CFAP54: variants seen among roughly 807,000 people sequenced by gnomAD.
CFAP54 encodes cilia and flagella associated protein 54.
CFAP54 carries 290 observed loss-of-function variants against 370.4 expected under a neutral mutation model. That is an observed-to-expected ratio of 0.78 (90% CI 0.71 to 0.86). The LOEUF (loss-of-function observed/expected upper bound fraction) is 0.86, where lower values mean the gene tolerates loss of function less well. CFAP54 is among the 40% of genes least tolerant of loss of function. The pLI, the probability that CFAP54 is intolerant of heterozygous loss-of-function variation, is 0.00. For missense variants in CFAP54, 3,399 were observed against 3,528.7 expected, an observed-to-expected ratio of 0.96 and a Z score of 0.93; for synonymous variants, 1,206 against 1,236.5, an observed-to-expected ratio of 0.98 and a Z score of 0.52.
chr12:96,504,378 A>C (rs1955067169), intron 3 of CFAP54, among the ~76,000 whole-genome samples: 1 of 152,242 alleles, frequency 6.6e-6, no homozygotes, highest in African/African-American at 2.4e-5. Context: ...GAGAAAAATA[A>C]AGCTTATCAC....
At chr12:96,624,807 T>A (rs1956533857) in intron 28 of CFAP54, among the ~76,000 whole-genome samples, 1 of 152,216 alleles carries the variant, frequency 6.6e-6, no homozygotes, top group Admixed American at 6.5e-5. Flanking sequence ...TCTCTTTTAA[T>A]ATGTTCCATG....
At chr12:96,626,653 A>G (rs1592892446) in intron 29 of CFAP54, among the ~76,000 whole-genome samples, 160 bp from the exon 30 acceptor site, 1 of 152,322 alleles carries the variant, frequency 6.6e-6, no homozygotes, top group Non-Finnish European at 1.5e-5. Context: ...ACAATAGTTC[A>G]CACCACATTT....
intron 60 of CFAP54, among the ~76,000 whole-genome samples, chr12:96,783,271 G>A (rs765921761): frequency 5.9e-5 from 9 of 152,122 alleles, no homozygotes; most frequent in Non-Finnish European, 1.3e-4. Flanking sequence ...ATTAGAGAGC[G>A]GCTTATAAGA....
intron 4 of CFAP54, among the ~76,000 whole-genome samples, chr12:96,508,502 T>C (rs574646631): frequency 1.2e-3 from 178 of 151,878 alleles, no homozygotes; most frequent in African/African-American, 4.1e-3. Flanking sequence ...GCCAGGCTGG[T>C]CTTGAACTCC....
intron 14 of CFAP54, among the ~76,000 whole-genome samples, chr12:96,547,150 A>G (rs899222817): frequency 6.6e-6 from 1 of 152,074 alleles, no homozygotes; most frequent in Non-Finnish European, 1.5e-5. Context: ...GTCCAAATTG[A>G]TAGGGTTTCT....
rs548675356 is a variant in CFAP54 at position 96,741,137 on chromosome 12, C to T, written c.7071+1076C>T. On this transcript the variant is annotated intron_variant, in intron 51 of 67. Transcript: ENST00000524981. ...GTGCCCATTTGAATCACTATCCTCC[C>T]TGTGGGCCTCTGTCGACTGCTTACT... is the stretch of plus-strand genomic sequence containing the variant. Among the ~76,000 whole-genome samples the T allele has an allele frequency of 1.2e-4, 19 of 152,286 alleles. No homozygotes were observed. In the South Asian group the frequency reaches 3.9e-3, roughly 32 times the overall value.
intron 19 of CFAP54, among the ~76,000 whole-genome samples, chr12:96,570,053 T>G (rs1278850584): frequency 6.6e-6 from 1 of 152,000 alleles, no homozygotes; most frequent in African/African-American, 2.4e-5. Flanking sequence ...TATGGCTCAC[T>G]GCAGCCTCGA....
chr12:96,812,590 A>T (rs1011112409), intron 64 of CFAP54, among the ~76,000 whole-genome samples: 2 of 152,182 alleles, frequency 1.3e-5, no homozygotes, highest in Admixed American at 1.3e-4. Flanking sequence ...TATTGTCAGG[A>T]CTAAGATAGA....
At chr12:96,840,299 G>A (rs926180531) in intron 66 of CFAP54, among the ~76,000 whole-genome samples, 1 of 152,196 alleles carries the variant, frequency 6.6e-6, no homozygotes, top group African/African-American at 2.4e-5. Flanking sequence ...CAGTTTTTCT[G>A]GGTACTGGAT....
At chr12:96,795,817 T>C (rs779283832) in intron 63 of CFAP54, among the ~76,000 whole-genome samples, 14 of 152,156 alleles carry the variant, frequency 9.2e-5, no homozygotes, top group Non-Finnish European at 2.1e-4. Context: ...GGAAACTTTA[T>C]ATTTGGTTGA....
chr12:96,533,635 T>TAA (rs1955466905), intron 9 of CFAP54, among the ~76,000 whole-genome samples, 157 bp from the exon 10 acceptor site: 2 of 152,178 alleles, frequency 1.3e-5, no homozygotes, highest in Non-Finnish European at 2.9e-5. Context: ...CACCACCCTG[T>TAA]ATTTGCCCAC....
intron 25 of CFAP54, 80 bp downstream of exon 25, chr12:96,594,526 G>T: frequency 8.6e-7 from 1 of 1,164,830 alleles, no homozygotes; most frequent in Non-Finnish European, 1.2e-6. Flanking sequence ...GAAAAGCCAT[G>T]TATCTCTTAT....
At chr12:96,762,946 T>G (rs577487498) in intron 58 of CFAP54, among the ~76,000 whole-genome samples, 1 of 152,298 alleles carries the variant, frequency 6.6e-6, no homozygotes, top group East Asian at 1.9e-4. Context: ...TTTCTTTTTC[T>G]CTGGGAGTCT....
At position 96,640,920 on chromosome 12, in the gene CFAP54, T is replaced by A. The variant is rs546989540; in HGVS notation, c.4317-3258T>A. On this transcript the variant is annotated intron_variant, in intron 32 of 67. Coordinates refer to ENST00000524981, the MANE Select transcript of CFAP54 (RefSeq NM_001306084.2). ...CCCTTCCTTACACCTTATACAAAAATTAATTCAAGATGGATTAAAGACTTA... is the reference window on the plus strand; with the variant it reads ...CCCTTCCTTACACCTTATACAAAAAATAATTCAAGATGGATTAAAGACTTA... Among the ~76,000 whole-genome samples, 258 of 152,050 alleles carry A rather than the reference T, an allele frequency of 1.7e-3. 1 individual carries two copies. Among genetic ancestry groups the A allele is most frequent in the African/African-American group, 6.0e-3 (248 of 41,474 alleles).
At chr12:96,841,083 G>C (rs1013124517) in intron 66 of CFAP54, among the ~76,000 whole-genome samples, 23 of 152,210 alleles carry the variant, frequency 1.5e-4, no homozygotes, top group African/African-American at 5.1e-4. Context: ...GCTCAAAGTA[G>C]CAGTTCCACT....
At chr12:96,559,645 TATCATATTATG>T (rs1565896604) in intron 17 of CFAP54, among the ~76,000 whole-genome samples, 3 of 152,110 alleles carry the variant, frequency 2.0e-5, no homozygotes, top group African/African-American at 7.2e-5. Flanking sequence ...ATTATATCAA[TATCATATTATG>T]TATGTGTAGA....
intron 1 of CFAP54, 139 bp downstream of exon 1, chr12:96,490,065 A>G (rs1954862289): frequency 4.1e-6 from 3 of 725,400 alleles, no homozygotes; most frequent in Non-Finnish European, 6.6e-6. Context: ...AGGAGAGACA[A>G]AGTTTAAGAA....
chr12:96,646,525 T>A (rs1592904955), intron 33 of CFAP54: 2 of 152,290 alleles, frequency 1.3e-5, no homozygotes, highest in South Asian at 2.1e-4. Flanking sequence ...TAGTTCAACC[T>A]TTGTGGAAGT....
At chr12:96,501,641 C>G (rs998417722) in intron 2 of CFAP54, among the ~76,000 whole-genome samples, 2 of 152,140 alleles carry the variant, frequency 1.3e-5, no homozygotes, top group African/African-American at 4.8e-5. Flanking sequence ...GTTATGTGAA[C>G]GTCAGACAAT....
Sources: allele counts gnomAD v4.1 joint callset (sites outside exome capture counted in the v4.1 genomes callset), GRCh38; gene constraint gnomAD v4.1.1; transcripts MANE v1.5; gene names NCBI Gene and HGNC (gene_info 2026-07-23, HGNC 2026-07-21).